Variants in CREM observed in about 807,000 individuals in gnomAD.
CREM encodes the protein cAMP responsive element modulator.
CREM carries 13 observed loss-of-function variants against 37.3 expected under a neutral mutation model. The observed-to-expected ratio is 0.35, with a 90% CI of 0.23 to 0.55. CREM has a LOEUF of 0.55. Ranked by LOEUF, CREM falls within the 20% of genes least tolerant of loss-of-function variation. CREM has a pLI of 0.88. For synonymous variants in CREM, 124 were observed against 120.2 expected (o/e 1.03, Z -0.21); for missense variants, 296 against 362.3 (o/e 0.82, Z 1.49).
At chr10:35,196,779 G>C (rs535363428) in intron 6 of CREM, among the ~76,000 whole-genome samples, 1 of 151,360 alleles carries the variant, frequency 6.6e-6, no homozygotes, top group Admixed American at 6.6e-5. Context: ...TCTTTACCAA[G>C]CCTTTCATTC....
chr10:35,149,878 C>T (rs1437558579), intron 3 of CREM, among the ~76,000 whole-genome samples: 3 of 76,716 alleles, frequency 3.9e-5, no homozygotes, highest in Admixed American at 3.0e-4. Context: ...TTAGGCCAGG[C>T]CTTTTGCTTA....
intron 3 of CREM, chr10:35,171,199 T>C (rs1024760672): frequency 1.6e-5 from 2 of 121,998 alleles, no homozygotes; most frequent in African/African-American, 3.0e-5. Flanking sequence ...TAAGGCACAG[T>C]CTCGCTCTGT....
intron 3 of CREM, among the ~76,000 whole-genome samples, chr10:35,160,590 A>G (rs2093229971): frequency 6.6e-6 from 1 of 152,174 alleles, no homozygotes; most frequent in Non-Finnish European, 1.5e-5. Context: ...TTGCTATTGT[A>G]GACTTGATAA....
At chr10:35,201,240 A>C (rs559544444) in intron 6 of CREM, among the ~76,000 whole-genome samples, 2 of 152,288 alleles carry the variant, frequency 1.3e-5, no homozygotes, top group East Asian at 1.9e-4. Flanking sequence ...TCCAGGGGGA[A>C]ATGTATTTAT....
intron 1 of CREM, among the ~76,000 whole-genome samples, chr10:35,128,701 A>G (rs2088619946): frequency 2.0e-5 from 3 of 151,508 alleles, no homozygotes. Flanking sequence ...AATTTTTTGT[A>G]TTTTTAGTAG....
At chr10:35,196,119 T>TGAG (rs2095152944) in intron 6 of CREM, 1 of 1,613,818 alleles carries the variant, frequency 6.2e-7, no homozygotes. Context: ...AGCCTCCTAC[T>TGAG]GAGGCCGTCC....
intron 6 of CREM, among the ~76,000 whole-genome samples, chr10:35,189,671 A>G (rs1362632663): frequency 6.6e-6 from 1 of 152,088 alleles, no homozygotes; most frequent in African/African-American, 2.4e-5. Context: ...GCATAACGCC[A>G]TGCCCGGCTA....
intron 2 of CREM, among the ~76,000 whole-genome samples, chr10:35,144,527 G>A (rs996351127): frequency 5.3e-5 from 8 of 152,130 alleles, no homozygotes; most frequent in African/African-American, 1.9e-4. Context: ...AGTATTCATA[G>A]TATTGGAAAA....
chr10:35,134,206 T>C (rs1297930239), intron 1 of CREM, among the ~76,000 whole-genome samples: 1 of 151,926 alleles, frequency 6.6e-6, no homozygotes, highest in Non-Finnish European at 1.5e-5. Flanking sequence ...ATCACCATGC[T>C]GGCTCATTTT....
At chr10:35,181,511 T>A (rs1432299680) in intron 5 of CREM, among the ~76,000 whole-genome samples, 1 of 152,098 alleles carries the variant, frequency 6.6e-6, no homozygotes, top group Admixed American at 6.6e-5. Context: ...ACTCTGTGTG[T>A]CTGTGGGGGG....
At chr10:35,177,927 G>A (rs1014184128) in intron 3 of CREM, among the ~76,000 whole-genome samples, 13 of 152,124 alleles carry the variant, frequency 8.5e-5, no homozygotes, top group Non-Finnish European at 1.6e-4. Flanking sequence ...TGTTGATTGG[G>A]TGTGTGTGCT....
At chr10:35,137,290 G>T (rs1001911991) in intron 1 of CREM, among the ~76,000 whole-genome samples, 1 of 152,108 alleles carries the variant, frequency 6.6e-6, no homozygotes, top group Admixed American at 6.6e-5. Context: ...ATTTTGTTTG[G>T]AGTTTAATTT....
intron 3 of CREM, among the ~76,000 whole-genome samples, chr10:35,174,757 T>C (rs1339969576): frequency 6.6e-5 from 10 of 152,122 alleles, no homozygotes; most frequent in Non-Finnish European, 1.2e-4. Context: ...TAGGACAGAG[T>C]TGTTTACTAA....
At chr10:35,186,061 T>C (rs1296284727) in intron 5 of CREM, among the ~76,000 whole-genome samples, 1 of 152,264 alleles carries the variant, frequency 6.6e-6, no homozygotes, top group Non-Finnish European at 1.5e-5. Flanking sequence ...TAAACACTAC[T>C]GTTACGCTAC....
chr10:35,133,168 A>G (rs2089764882), intron 1 of CREM, among the ~76,000 whole-genome samples: 1 of 152,090 alleles, frequency 6.6e-6, no homozygotes, highest in African/African-American at 2.4e-5. Flanking sequence ...ATAATGCATA[A>G]TTTACAGTTT....
chr10:35,197,428 A>C (rs1397132642), intron 6 of CREM, among the ~76,000 whole-genome samples: 1 of 128,572 alleles, frequency 7.8e-6, no homozygotes, highest in Non-Finnish European at 1.6e-5. Flanking sequence ...TTATTTATTT[A>C]TTTATTTATT....
At chr10:35,148,345 CT>C (rs769885065) in intron 2 of CREM, 22 bp from the exon 3 acceptor site, 11 of 1,599,144 alleles carry the variant, frequency 6.9e-6, no homozygotes, top group Admixed American at 1.8e-5. Flanking sequence ...CTTAATTTGT[CT>C]TCCTTTTTAT....
At chr10:35,129,972 G>C (rs1748212224) in intron 1 of CREM, among the ~76,000 whole-genome samples, 1 of 151,996 alleles carries the variant, frequency 6.6e-6, no homozygotes, top group African/African-American at 2.4e-5. Context: ...TGAGGCAGGC[G>C]GATCGCCTGA....
At chr10:35,147,741 T>G (rs570840075) in intron 2 of CREM, among the ~76,000 whole-genome samples, 2 of 152,352 alleles carry the variant, frequency 1.3e-5, no homozygotes, top group African/African-American at 4.8e-5. Context: ...CCATTCATGC[T>G]AAACAGCAGG....
Sources: gnomAD v4.1 joint callset for allele counts (sites outside exome capture counted in the v4.1 genomes callset) on GRCh38, gnomAD v4.1.1 for gene constraint, MANE v1.5 for transcripts, NCBI Gene and HGNC (gene_info 2026-07-23, HGNC 2026-07-21) for gene names.